Variants in GMPR observed in about 807,000 individuals in gnomAD.
The protein encoded by GMPR is GMP reductase 1.
Under a neutral mutation model 38.4 loss-of-function variants are expected in GMPR, and 31 were observed. The observed-to-expected ratio is 0.81, with a 90% confidence interval of 0.61 to 1.09. The LOEUF (loss-of-function observed/expected upper bound fraction) is 1.09. Ranked by LOEUF, GMPR falls within the 50% of genes least tolerant of loss-of-function variation. GMPR has a pLI of 0.00. For synonymous variants in GMPR, 162 were observed against 173.3 expected, an observed-to-expected ratio of 0.93 and a Z score of 0.51; for missense variants, 468 against 453.7, an observed-to-expected ratio of 1.03 and a Z score of -0.29.
chr6:16,275,131 C>T (rs763180247), intron 5 of GMPR, among the ~76,000 whole-genome samples: 10 of 152,142 alleles, frequency 6.6e-5, no homozygotes, highest in South Asian at 4.1e-4. Context: ...GGTTACTGTT[C>T]GCTTTCCTTC....
chr6:16,285,026 AAAAAAAC>A (rs1257649604), intron 6 of GMPR, among the ~76,000 whole-genome samples: 3 of 131,348 alleles, frequency 2.3e-5, no homozygotes, highest in Non-Finnish European at 3.1e-5. Context: ...TCAAAAAAAA[AAAAAAAC>A]AAAAAAAAAA....
intron 7 of GMPR, among the ~76,000 whole-genome samples, chr6:16,289,097 G>A (rs11969354): frequency 0.23 from 34,369 of 152,170 alleles, 4,063 homozygotes; most frequent in South Asian, 0.26. Context: ...CTTTGCAATA[G>A]ATTCTGTTGC....
At position 16,290,559 on chromosome 6, in the gene GMPR, C is replaced by G. The variant is rs763309526; in HGVS notation, c.795C>G (p.Leu265=). ...AGAGGAACGGACGGAAGCTCAAGCT[C>G]TTCTACGGGATGAGCTCTGACACCG... ...VFERNGRKLK[L]FYGMSSDTAM... The change falls in exon 8 of 9, where the codon CTC becomes CTG. Residue 265 remains leucine (L), a synonymous_variant. Transcript: ENST00000259727. 1 of 1,614,134 alleles carries G rather than the reference C, an allele frequency of 6.2e-7. No homozygotes were observed. Among genetic ancestry groups the G allele is most frequent in the South Asian group, 1.1e-5 (1 of 91,082 alleles).
chr6:16,269,160 G>A (rs1426146296), intron 4 of GMPR, among the ~76,000 whole-genome samples: 4 of 151,882 alleles, frequency 2.6e-5, no homozygotes, highest in Non-Finnish European at 5.9e-5. Flanking sequence ...CATTTATAAA[G>A]CACCACCAAG....
chr6:16,260,801 G>C (rs1384166244), intron 4 of GMPR, among the ~76,000 whole-genome samples: 1 of 151,922 alleles, frequency 6.6e-6, no homozygotes, highest in Non-Finnish European at 1.5e-5. Context: ...GGGAAATGGA[G>C]TGAATGTCAG....
chr6:16,291,444 G>A (rs1364968743), intron 8 of GMPR, among the ~76,000 whole-genome samples: 4 of 151,882 alleles, frequency 2.6e-5, no homozygotes, highest in Non-Finnish European at 5.9e-5. Flanking sequence ...GGCTGGTCTC[G>A]AACTCCTGAC....
intron 8 of GMPR, among the ~76,000 whole-genome samples, chr6:16,292,396 C>T (rs952833932): frequency 6.6e-6 from 1 of 152,048 alleles, no homozygotes; most frequent in African/African-American, 2.4e-5. Context: ...GTCTCTTTCT[C>T]TTGGTGGTGA....
At chr6:16,252,990 A>G (rs1335741168) in intron 3 of GMPR, among the ~76,000 whole-genome samples, 2 of 152,252 alleles carry the variant, frequency 1.3e-5, no homozygotes, top group Admixed American at 1.3e-4. Context: ...GGGTTTAGAG[A>G]TAAGAGTTAA....
intron 6 of GMPR, among the ~76,000 whole-genome samples, 171 bp from the exon 7 acceptor site, chr6:16,285,622 G>A (rs553189328): frequency 6.6e-6 from 1 of 152,316 alleles, no homozygotes; most frequent in East Asian, 1.9e-4. Flanking sequence ...AATATTGAGG[G>A]GAGTACACTC....
At chr6:16,253,776 G>T (rs1313140878) in intron 3 of GMPR, among the ~76,000 whole-genome samples, 2 of 152,238 alleles carry the variant, frequency 1.3e-5, no homozygotes, top group African/African-American at 4.8e-5. Context: ...CAAGCAAGGT[G>T]CTCAGGGTGA....
intron 6 of GMPR, among the ~76,000 whole-genome samples, chr6:16,284,012 C>T (rs374247481): frequency 2.0e-5 from 3 of 152,212 alleles, no homozygotes; most frequent in Non-Finnish European, 4.4e-5. Context: ...TATAGAGCCA[C>T]AAGCCCTGTC....
At chr6:16,278,680 C>A in intron 5 of GMPR, 104 bp from the exon 6 acceptor site, 1 of 797,508 alleles carries the variant, frequency 1.3e-6, no homozygotes, top group African/African-American at 1.7e-5. Flanking sequence ...AGAGGTTCAC[C>A]CTGGTCCCTA....
intron 1 of GMPR, 32 bp from the exon 2 acceptor site, chr6:16,246,810 T>C (rs764448787): frequency 6.2e-7 from 1 of 1,604,612 alleles, no homozygotes; most frequent in Admixed American, 1.7e-5. Flanking sequence ...CTCATTTCTT[T>C]CCCTTTTTCT....
intron 7 of GMPR, among the ~76,000 whole-genome samples, chr6:16,289,225 C>A (rs775789287): frequency 3.9e-5 from 6 of 152,244 alleles, no homozygotes; most frequent in South Asian, 2.1e-4. Flanking sequence ...AAGCCTCAGC[C>A]GCGCCACCTT....
intron 4 of GMPR, chr6:16,263,092 A>G (rs1414358077): frequency 6.6e-6 from 1 of 151,896 alleles, no homozygotes; most frequent in Non-Finnish European, 1.5e-5. Context: ...TAGAAAAGGA[A>G]GATTAGAAAG....
intron 2 of GMPR, 27 bp downstream of exon 2, chr6:16,246,988 C>T: frequency 1.2e-6 from 2 of 1,609,418 alleles, no homozygotes; most frequent in South Asian, 2.2e-5. Flanking sequence ...TTGTTTTTTC[C>T]CTTTGCTGCT....
At chr6:16,285,621 G>A (rs1237860808) in intron 6 of GMPR, among the ~76,000 whole-genome samples, 172 bp from the exon 7 acceptor site, 2 of 152,176 alleles carry the variant, frequency 1.3e-5, no homozygotes, top group Non-Finnish European at 2.9e-5. Flanking sequence ...CAATATTGAG[G>A]GGAGTACACT....
chr6:16,292,536 T>C (rs1759859515), intron 8 of GMPR, among the ~76,000 whole-genome samples: 1 of 152,124 alleles, frequency 6.6e-6, no homozygotes, highest in Non-Finnish European at 1.5e-5. Context: ...AAGCGGTCCC[T>C]GATAGAGGAG....
intron 4 of GMPR, among the ~76,000 whole-genome samples, chr6:16,271,346 C>T (rs933461463): frequency 6.6e-6 from 1 of 151,998 alleles, no homozygotes; most frequent in African/African-American, 2.4e-5. Context: ...ATTAGCTAGG[C>T]GTGGTGGCAC....
Sources: allele counts gnomAD v4.1 joint callset (sites outside exome capture counted in the v4.1 genomes callset), GRCh38; gene constraint gnomAD v4.1.1; transcripts MANE v1.5; gene names NCBI Gene and HGNC (gene_info 2026-07-23, HGNC 2026-07-21).